Variants in USH2A observed in about 807,000 individuals in gnomAD.
The protein encoded by USH2A is usherin, also known as Usher syndrome 2A (autosomal recessive, mild).
A neutral mutation model predicts 538.9 loss-of-function variants in USH2A; 443 were observed. That is an observed-to-expected ratio of 0.82 (90% CI 0.76 to 0.89). The LOEUF (loss-of-function observed/expected upper bound fraction) is 0.89, where lower values mean the gene tolerates loss of function less well. USH2A is among the 40% of genes least tolerant of loss of function. The pLI, the probability that USH2A is intolerant of heterozygous loss-of-function variation, is 0.00. For synonymous variants in USH2A, 2,413 were observed against 2,273.5 expected (o/e 1.06, Z -1.75); for missense variants, 6,633 against 6,324.8 (o/e 1.05, Z -1.65).
intron 38 of USH2A, among the ~76,000 whole-genome samples, chr1:215,911,353 C>G (rs1029068280): frequency 3.9e-5 from 6 of 151,958 alleles, no homozygotes; most frequent in Non-Finnish European, 8.8e-5. Context: ...CCCCAACCCT[C>G]CACTACTCTT....
chr1:215,791,764 G>T (rs1661988039), intron 50 of USH2A, among the ~76,000 whole-genome samples: 1 of 152,040 alleles, frequency 6.6e-6, no homozygotes, highest in Non-Finnish European at 1.5e-5. Flanking sequence ...ATTATGGTGG[G>T]TATATATGTG....
chr1:215,659,930 T>G (rs1445661689), intron 64 of USH2A, among the ~76,000 whole-genome samples: 1 of 152,214 alleles, frequency 6.6e-6, no homozygotes, highest in Non-Finnish European at 1.5e-5. Context: ...GGTTCTTGAC[T>G]ATGCTAAGAA....
intron 70 of USH2A, among the ~76,000 whole-genome samples, chr1:215,631,388 G>T (rs990473954): frequency 2.0e-5 from 3 of 152,148 alleles, no homozygotes; most frequent in Non-Finnish European, 4.4e-5. Context: ...GAGTAGATGA[G>T]GAGCCCACAG....
chr1:216,380,327 G>C (rs948381442), intron 3 of USH2A, among the ~76,000 whole-genome samples: 7 of 152,068 alleles, frequency 4.6e-5, no homozygotes, highest in Admixed American at 6.6e-5. Context: ...TATCACTACT[G>C]CCTATTTATT....
intron 61 of USH2A, among the ~76,000 whole-genome samples, chr1:215,696,354 G>A (rs1658808355): frequency 1.3e-5 from 2 of 152,148 alleles, no homozygotes; most frequent in Admixed American, 6.5e-5. Flanking sequence ...TGGGTAAGTG[G>A]ACCTGTTCAA....
intron 61 of USH2A, among the ~76,000 whole-genome samples, chr1:215,709,395 A>G (rs913819658): frequency 2.0e-5 from 3 of 152,156 alleles, no homozygotes; most frequent in African/African-American, 4.8e-5. Flanking sequence ...TATTATTTCT[A>G]CAAGTGAATA....
At chr1:215,820,477 A>G (rs1378887503) in intron 47 of USH2A, among the ~76,000 whole-genome samples, 1 of 151,762 alleles carries the variant, frequency 6.6e-6, no homozygotes, top group Non-Finnish European at 1.5e-5. Context: ...ATAGATGTAC[A>G]TATTTCAGGG....
intron 47 of USH2A, among the ~76,000 whole-genome samples, chr1:215,826,709 A>C (rs1423683778): frequency 1.3e-5 from 2 of 152,208 alleles, no homozygotes; most frequent in African/African-American, 4.8e-5. Context: ...TAGCCAAAAC[A>C]GTGTGTTTAA....
intron 21 of USH2A, among the ~76,000 whole-genome samples, chr1:216,105,750 A>G (rs1319891166): frequency 6.6e-6 from 1 of 152,014 alleles, no homozygotes; most frequent in African/African-American, 2.4e-5. Flanking sequence ...AAACATGATA[A>G]ATCTTCATCT....
intron 50 of USH2A, among the ~76,000 whole-genome samples, chr1:215,790,487 A>G (rs180904104): frequency 5.1e-4 from 78 of 152,316 alleles, no homozygotes; most frequent in Non-Finnish European, 7.3e-4. Context: ...TTAGGAAAAG[A>G]ACACACAAGA....
intron 67 of USH2A, among the ~76,000 whole-genome samples, 186 bp from the exon 68 acceptor site, chr1:215,640,920 A>G (rs947393020): frequency 6.6e-6 from 1 of 151,966 alleles, no homozygotes; most frequent in Non-Finnish European, 1.5e-5. Flanking sequence ...AACAACCAGT[A>G]TCAGGGGTGA....
chr1:216,037,291 C>T (rs1391669989), intron 32 of USH2A, among the ~76,000 whole-genome samples: 2 of 152,214 alleles, frequency 1.3e-5, no homozygotes, highest in African/African-American at 4.8e-5. Flanking sequence ...TGAAGCTGTC[C>T]TGGGCATTTT....
At chr1:215,978,801 T>C (rs1667680925) in intron 35 of USH2A, among the ~76,000 whole-genome samples, 1 of 152,168 alleles carries the variant, frequency 6.6e-6, no homozygotes, top group Non-Finnish European at 1.5e-5. Context: ...CAATAAGTCA[T>C]ATGATGAAGC....
chr1:216,074,066 G>C (rs547209835), intron 27 of USH2A, among the ~76,000 whole-genome samples: 2 of 152,362 alleles, frequency 1.3e-5, no homozygotes, highest in South Asian at 2.1e-4. Context: ...GGTGACCTTA[G>C]AACACCCACT....
chr1:216,279,746 G>A (rs542204702), intron 11 of USH2A, among the ~76,000 whole-genome samples: 32 of 152,130 alleles, frequency 2.1e-4, no homozygotes, highest in African/African-American at 5.8e-4. Context: ...CAAAGTAAAC[G>A]GGAGAGAAGG....
chr1:215,636,639 C>T (rs1326697266), intron 69 of USH2A, among the ~76,000 whole-genome samples: 1 of 152,096 alleles, frequency 6.6e-6, no homozygotes, highest in Non-Finnish European at 1.5e-5. Context: ...CTCCACAGCA[C>T]GCAGGGGAAG....
intron 55 of USH2A, among the ~76,000 whole-genome samples, chr1:215,767,180 T>C (rs1319999165): frequency 6.6e-6 from 1 of 151,920 alleles, no homozygotes; most frequent in Non-Finnish European, 1.5e-5. Flanking sequence ...CTTCCTTATA[T>C]TGTGATGAAA....
At chr1:216,299,998 C>A (rs2037182654) in intron 9 of USH2A, among the ~76,000 whole-genome samples, 1 of 152,068 alleles carries the variant, frequency 6.6e-6, no homozygotes, top group African/African-American at 2.4e-5. Context: ...TTTGCAAAGA[C>A]AGAAGGAATA....
At chr1:216,061,857 C>T (rs528837363) in intron 30 of USH2A, among the ~76,000 whole-genome samples, 1 of 152,180 alleles carries the variant, frequency 6.6e-6, no homozygotes, top group Non-Finnish European at 1.5e-5. Context: ...AGCACTCCTA[C>T]TCTACCAAAC....
Sources: allele counts gnomAD v4.1 joint callset (sites outside exome capture counted in the v4.1 genomes callset), GRCh38; gene constraint gnomAD v4.1.1; transcripts MANE v1.5; gene names NCBI Gene and HGNC (gene_info 2026-07-23, HGNC 2026-07-21).